PLPPR1: variants seen among roughly 807,000 people sequenced by gnomAD.
PLPPR1 encodes the protein phospholipid phosphatase related 1, also known as phospholipid phosphatase-related protein type 1.
Under a neutral mutation model 33.1 loss-of-function variants are expected in PLPPR1, and 10 were observed. That is an observed-to-expected ratio of 0.30 (90% CI 0.19 to 0.51). PLPPR1 has a LOEUF of 0.51. PLPPR1 is among the 20% of genes least tolerant of loss of function. PLPPR1 has a pLI of 0.97. For missense variants in PLPPR1, 304 were observed against 408.1 expected (o/e 0.74, Z 2.20); for synonymous variants, 151 against 151.0 (o/e 1.00, Z 0.00).
chr9:101,205,594 A>G (rs890474787), intron 2 of PLPPR1, among the ~76,000 whole-genome samples: 2 of 152,186 alleles, frequency 1.3e-5, no homozygotes, highest in African/African-American at 4.8e-5. Context: ...TGATGTTCAT[A>G]AAGTTTACAT....
chr9:101,066,509 A>G (rs892875911), intron 1 of PLPPR1, among the ~76,000 whole-genome samples: 1 of 152,022 alleles, frequency 6.6e-6, no homozygotes, highest in African/African-American at 2.4e-5. Context: ...TCTTCTGTAC[A>G]GGAGATTCAT....
intron 1 of PLPPR1, among the ~76,000 whole-genome samples, chr9:101,070,724 C>G (rs989145615): frequency 1.6e-4 from 24 of 152,168 alleles, no homozygotes; most frequent in African/African-American, 5.1e-4. Flanking sequence ...ATTTTTTCCC[C>G]TCAACATTTG....
intron 2 of PLPPR1, among the ~76,000 whole-genome samples, chr9:101,230,469 G>A: frequency 6.6e-6 from 1 of 152,124 alleles, no homozygotes; most frequent in East Asian, 1.9e-4. Flanking sequence ...AGAAAAACTA[G>A]GTATGCATAG....
intron 2 of PLPPR1, among the ~76,000 whole-genome samples, chr9:101,269,463 G>C (rs140423849): frequency 7.9e-5 from 12 of 152,272 alleles, no homozygotes; most frequent in African/African-American, 2.2e-4. Flanking sequence ...AAGTCTACCT[G>C]TAATATTATA....
At chr9:101,187,915 G>C (rs1170980778) in intron 2 of PLPPR1, 1 of 151,912 alleles carries the variant, frequency 6.6e-6, no homozygotes, top group Middle Eastern at 3.4e-3. Flanking sequence ...TATGTATGAA[G>C]TTTGGGGCTT....
chr9:101,161,402 G>A lies in PLPPR1; in HGVS notation c.-45-24048G>A, dbSNP rs145878464. Among the ~76,000 whole-genome samples the A allele has an allele frequency of 5.6e-3, 854 of 152,146 alleles. 9 individuals are homozygous for A. Among genetic ancestry groups the A allele is most frequent in the Middle Eastern group, 0.048 (14 of 294 alleles). ...CTGATGTTAAGCCAGAGAATATTTG[G>A]AACTCATTAGGTTTTACTTCCTTGT... On this transcript the variant is annotated intron_variant, in intron 1 of 7. Coordinates refer to ENST00000374874, the MANE Select transcript of PLPPR1 (RefSeq NM_207299.2).
At chr9:101,237,526 T>G (rs897353312) in intron 2 of PLPPR1, among the ~76,000 whole-genome samples, 9 of 150,814 alleles carry the variant, frequency 6.0e-5, no homozygotes, top group African/African-American at 2.2e-4. Context: ...TATAAATTTC[T>G]CTGATTTAAG....
At chr9:101,174,498 G>A (rs1825990603) in intron 1 of PLPPR1, among the ~76,000 whole-genome samples, 1 of 152,142 alleles carries the variant, frequency 6.6e-6, no homozygotes, top group South Asian at 2.1e-4. Flanking sequence ...AGGTCATGGA[G>A]ACCCTTTTGA....
At chr9:101,143,409 G>A (rs1177930488) in intron 1 of PLPPR1, among the ~76,000 whole-genome samples, 2 of 152,082 alleles carry the variant, frequency 1.3e-5, no homozygotes, top group Admixed American at 6.6e-5. Context: ...CTCTCAGAAT[G>A]TGACTCTGTT....
chr9:101,318,688 T>C (rs574791850), intron 7 of PLPPR1, among the ~76,000 whole-genome samples: 1 of 151,302 alleles, frequency 6.6e-6, no homozygotes, highest in East Asian at 2.0e-4. Flanking sequence ...GTGGGAGGAG[T>C]GTTTGAGCCT....
In PLPPR1 at chr9:101,219,589, C is replaced by T. The variant is rs145039724; in HGVS notation, c.63+34032C>T. Among the ~76,000 whole-genome samples, 56 of 152,198 alleles carry T rather than the reference C, an allele frequency of 3.7e-4. No homozygotes were observed. The East Asian group carries it at 0.01, about 28-fold the overall frequency. ...TATTACCTACAGGAAGTCAGTAGATCGTTAATGATATTAAGATGTTCTACT... is the reference window on the plus strand; with the variant it reads ...TATTACCTACAGGAAGTCAGTAGATTGTTAATGATATTAAGATGTTCTACT... On this transcript the variant is annotated intron_variant, in intron 2 of 7. Coordinates refer to ENST00000374874, the MANE Select transcript of PLPPR1 (RefSeq NM_207299.2).
At chr9:101,131,133 A>T (rs986457052) in intron 1 of PLPPR1, among the ~76,000 whole-genome samples, 2 of 152,214 alleles carry the variant, frequency 1.3e-5, no homozygotes, top group African/African-American at 2.4e-5. Flanking sequence ...AATGATAATC[A>T]TGTGATTTAA....
chr9:101,086,307 G>A (rs1830675067), intron 1 of PLPPR1, among the ~76,000 whole-genome samples: 1 of 152,176 alleles, frequency 6.6e-6, no homozygotes, highest in Non-Finnish European at 1.5e-5. Flanking sequence ...GCAAGATTAG[G>A]CAGGGGAAGA....
chr9:101,087,409 A>G (rs1167774042), intron 1 of PLPPR1, among the ~76,000 whole-genome samples: 1 of 152,122 alleles, frequency 6.6e-6, no homozygotes, highest in Non-Finnish European at 1.5e-5. Flanking sequence ...AAAAGTCTCC[A>G]TACATGTTAT....
intron 2 of PLPPR1, among the ~76,000 whole-genome samples, chr9:101,190,014 G>C (rs950286459): frequency 6.6e-6 from 1 of 152,076 alleles, no homozygotes; most frequent in African/African-American, 2.4e-5. Flanking sequence ...TAAGGTTCAT[G>C]TAGACCTTAG....
intron 1 of PLPPR1, among the ~76,000 whole-genome samples, chr9:101,080,331 C>T (rs1417994182): frequency 2.0e-5 from 3 of 151,838 alleles, no homozygotes; most frequent in Admixed American, 6.6e-5. Context: ...AAGACCAGCC[C>T]GGCTGACATG....
chr9:101,046,435 C>CTTTTTTTTTTTT (rs527884198), intron 1 of PLPPR1, among the ~76,000 whole-genome samples: 3 of 116,782 alleles, frequency 2.6e-5, no homozygotes, highest in East Asian at 2.7e-4. Context: ...CTCTTTTATT[C>CTTTTTTTTTTTT]TTTTTTTTTT....
At chr9:101,177,625 G>A (rs1826037883) in intron 1 of PLPPR1, among the ~76,000 whole-genome samples, 2 of 152,094 alleles carry the variant, frequency 1.3e-5, no homozygotes, top group South Asian at 4.1e-4. Flanking sequence ...AACCTTTGAT[G>A]CTATCAGAGT....
chr9:101,133,385 C>T (rs541526948), intron 1 of PLPPR1, among the ~76,000 whole-genome samples: 4 of 152,186 alleles, frequency 2.6e-5, no homozygotes, highest in East Asian at 1.9e-4. Context: ...AACATGAGAA[C>T]GCAGGAAAGT....
Sources: allele counts gnomAD v4.1 joint callset (sites outside exome capture counted in the v4.1 genomes callset), GRCh38; gene constraint gnomAD v4.1.1; transcripts MANE v1.5; gene names NCBI Gene and HGNC (gene_info 2026-07-23, HGNC 2026-07-21).